SZT2: variants seen among roughly 807,000 people sequenced by gnomAD.
SZT2 encodes KICSTOR complex protein SZT2.
A neutral mutation model predicts 404.2 loss-of-function variants in SZT2; 216 were observed. The observed-to-expected ratio is 0.53, with a 90% CI of 0.48 to 0.60. The LOEUF (loss-of-function observed/expected upper bound fraction) is 0.60, where lower values mean the gene tolerates loss of function less well. Ranked by LOEUF, SZT2 falls within the 20% of genes least tolerant of loss-of-function variation. SZT2 has a pLI of 0.00. For synonymous variants in SZT2, 1,693 were observed against 1,749.9 expected (o/e 0.97, Z 0.81); for missense variants, 3,857 against 4,459.2 (o/e 0.86, Z 3.85).
intron 65 of SZT2, 130 bp downstream of exon 65, chr1:43,446,546 TG>T: frequency 9.0e-7 from 1 of 1,109,920 alleles, no homozygotes; most frequent in Non-Finnish European, 1.3e-6. Context: ...TTCACTGCTA[TG>T]GCCTGGCTAG....
In SZT2 at chr1:43,415,283, A is replaced by T. The variant is rs1651571066; in HGVS notation, c.630+70A>T. 3.8e-6 allele frequency: 6 copies of T among 1,569,584 alleles called. No homozygotes were observed. In the South Asian group the frequency reaches 6.9e-5, roughly 18 times the overall value. On this transcript the variant is annotated intron_variant, in intron 5 of 71. Transcript: ENST00000634258. ...CAGCTAAGGACAGAGGGCAGAGAGG[A>T]GGGATAGTCCAAATAGGGCAAAAAA...
In SZT2 at chr1:43,452,301, G is replaced by A. The variant is rs1472795992; in HGVS notation, c.*1821G>A. The A allele has an allele frequency of 6.2e-7, 1 of 1,613,720 alleles. No individual in the cohort carries two copies. The highest frequency in any genetic ancestry group is 1.3e-5 in the African/African-American group (1 of 74,920). The stretch of plus-strand genomic sequence containing the variant: ...TTCGATCAGCTCCCTGGGGTACTCG[G>A]CCAGCCATCAGGTGGATCCTGTGGG... On this transcript the variant is annotated 3_prime_UTR_variant, in exon 72 of 72. Coordinates refer to ENST00000634258, the MANE Select transcript of SZT2 (RefSeq NM_001365999.1).
intron 46 of SZT2, among the ~76,000 whole-genome samples, chr1:43,438,458 T>C (rs1654698411): frequency 6.6e-6 from 1 of 152,204 alleles, no homozygotes; most frequent in South Asian, 2.1e-4. Context: ...GGCGATGCTA[T>C]TATAATTCTC....
chr1:43,409,376 G>A, intron 4 of SZT2: 1 of 279,708 alleles, frequency 3.6e-6, no homozygotes, highest in Non-Finnish European at 7.2e-6. Context: ...GGGGGATAAG[G>A]AGAGGATTTT....
In SZT2 at chr1:43,430,727, G is replaced by C. The variant is rs765477029; in HGVS notation, c.4712G>C (p.Cys1571Ser). The change falls in exon 32 of 72, where the codon TGC (cysteine) becomes TCC (serine). Residue 1571 changes from cysteine to serine, a missense_variant. Transcript: ENST00000634258. ...CCACCGCTCTTCCTGCACCTCACGT[G>C]CTCCGTGCGGCTACGTGGGCAGCAC... ...DLPPLFLHLTCSVRLRGQHSS... is the reference protein window; with the variant it reads ...DLPPLFLHLTSSVRLRGQHSS... 1 of 1,613,178 alleles carries C rather than the reference G, an allele frequency of 6.2e-7. No individual in the cohort carries two copies.
At position 43,453,156 on chromosome 1, in the gene SZT2, T is replaced by G; in HGVS notation, c.*2676T>G. The G allele has an allele frequency of 7.5e-6, 5 of 663,574 alleles. No individual in the cohort carries two copies. In the South Asian group the frequency reaches 8.8e-5, roughly 12 times the overall value. The allele number at this position is 663,574 out of a possible 1,614,324, so 41.1% of individuals were successfully genotyped here. A position where few individuals can be genotyped will look rare whatever the true frequency, so the allele number is the denominator to read the frequency against. On this transcript the variant is annotated 3_prime_UTR_variant, in exon 72 of 72. Transcript: ENST00000634258. ...TACTCTCCTATCTGCCTAGGCAGAC[T>G]GAGCTCCCAGCATGGGATCCCAGCA... is the stretch of plus-strand genomic sequence containing the variant.
At chr1:43,407,376 C>T (rs569403307) in intron 4 of SZT2, among the ~76,000 whole-genome samples, 1 of 152,082 alleles carries the variant, frequency 6.6e-6, no homozygotes, top group African/African-American at 2.4e-5. Flanking sequence ...ATTAGCTGGG[C>T]GTGATGGTGC....
Position 43,451,624 on chromosome 1 carries a change from G to T in SZT2, c.*1144G>T. 1.2e-6 allele frequency: 2 copies of T among 1,613,886 alleles called. No individual in the cohort carries two copies. Among genetic ancestry groups the T allele is most frequent in the Non-Finnish European group, 1.7e-6 (2 of 1,179,778 alleles). On this transcript the variant is annotated 3_prime_UTR_variant, in exon 72 of 72. Transcript: ENST00000634258. The stretch of plus-strand genomic sequence containing the variant: ...ACAGATGTGGGGATTGAAAGGGTGG[G>T]AGGGCAAAGGAAGGTCCTCTCACCA...
At position 43,420,711 on chromosome 1, in the gene SZT2, A is replaced by G. The variant is rs369181194; in HGVS notation, c.1262-38A>G. 2.3e-5 allele frequency: 37 copies of G among 1,582,276 alleles called. No homozygotes were observed. The highest frequency in any genetic ancestry group is 2.9e-5 in the Non-Finnish European group (34 of 1,166,186). Reference sequence around the variant, plus strand: ...AACTCGATCCCAGGCCTAGAGTCCTATGCCTTCTCCTAACTGGCCCTTCCG... The same window carrying G: ...AACTCGATCCCAGGCCTAGAGTCCTGTGCCTTCTCCTAACTGGCCCTTCCG... On this transcript the variant is annotated intron_variant, in intron 9 of 71. Coordinates refer to ENST00000634258, the MANE Select transcript of SZT2 (RefSeq NM_001365999.1). The surrounding 1 kb of genome is among the most constrained non-coding windows in gnomAD (Gnocchi z 5.1).
intron 3 of SZT2, 158 bp downstream of exon 3, chr1:43,403,932 A>T: frequency 1.2e-6 from 1 of 807,878 alleles, no homozygotes; most frequent in Admixed American, 2.6e-5. Context: ...GCACTGGGCC[A>T]GCTGTGGTGA....
chr1:43,403,410 A>G, intron 2 of SZT2, 108 bp downstream of exon 2: 1 of 1,482,246 alleles, frequency 6.7e-7, no homozygotes, highest in South Asian at 1.3e-5. Flanking sequence ...AAGTCTGGTT[A>G]GGGCAAGGGA....
Position 43,434,498 on chromosome 1 carries a change from A to G in SZT2, c.5904+13A>G, listed in dbSNP as rs779490601. Reference sequence around the variant, plus strand: ...GGAGGTCAACCAGGTAAGGGGCAGGACTCTCCAGACCCGGACACACAGAGC... The same window carrying G: ...GGAGGTCAACCAGGTAAGGGGCAGGGCTCTCCAGACCCGGACACACAGAGC... On this transcript the variant is annotated intron_variant, in intron 41 of 71. Transcript: ENST00000634258. The G allele has an allele frequency of 3.8e-6, 6 of 1,580,694 alleles. No homozygotes were observed. Among genetic ancestry groups the G allele is most frequent in the African/African-American group, 2.7e-5 (2 of 74,532 alleles).
chr1:43,453,135 C>G lies in SZT2; in HGVS notation c.*2655C>G. ...AAATGCATCACTGTATATATTTACTCTCCTATCTGCCTAGGCAGACTGAGC... is the reference window on the plus strand; with the variant it reads ...AAATGCATCACTGTATATATTTACTGTCCTATCTGCCTAGGCAGACTGAGC... On this transcript the variant is annotated 3_prime_UTR_variant, in exon 72 of 72. Transcript: ENST00000634258. The G allele has an allele frequency of 8.6e-6, 6 of 695,310 alleles. No homozygotes were observed. The highest frequency in any genetic ancestry group is 1.3e-5 in the Non-Finnish European group (5 of 386,770). The allele number at this position is 695,310 out of a possible 1,614,324, so 43.1% of individuals were successfully genotyped here. A position where few individuals can be genotyped will look rare whatever the true frequency, so the allele number is the denominator to read the frequency against.
rs1425066256 is a variant in SZT2, at chr1:43,452,484, A to G, written c.*2004A>G. 1.4e-5 allele frequency: 10 copies of G among 705,622 alleles called. No homozygotes were observed. Among genetic ancestry groups the G allele is most frequent in the Non-Finnish European group, 2.6e-5 (10 of 380,910 alleles). The allele number at this position is 705,622 out of a possible 1,614,324, so 43.7% of individuals were successfully genotyped here. On this transcript the variant is annotated 3_prime_UTR_variant, in exon 72 of 72. Transcript: ENST00000634258. The stretch of plus-strand genomic sequence containing the variant: ...CAGCACTTTCAGAGACACTTCAGTG[A>G]TGGCTGAGGGGCAAGCCCTTTCCCA...
At chr1:43,416,465 A>G (rs2153931619) in intron 6 of SZT2, 70 bp from the exon 7 acceptor site, 1 of 1,292,580 alleles carries the variant, frequency 7.7e-7, no homozygotes, top group South Asian at 1.2e-5. Flanking sequence ...GGACCCTGTC[A>G]GTTGGGTGCC....
rs747330436 is a variant in SZT2 at position 43,451,369 on chromosome 1, C to T, written c.*889C>T. Reference sequence around the variant, plus strand: ...CCACAAGGAGAAAACAGCCCCTGTCCGGGTCCCTCCAGAGCTCCCTTCCCC... The same window carrying T: ...CCACAAGGAGAAAACAGCCCCTGTCTGGGTCCCTCCAGAGCTCCCTTCCCC... On this transcript the variant is annotated 3_prime_UTR_variant, in exon 72 of 72. Coordinates refer to ENST00000634258, the MANE Select transcript of SZT2 (RefSeq NM_001365999.1). 28 of 1,611,950 alleles carry T rather than the reference C, an allele frequency of 1.7e-5. No homozygotes were observed. The highest frequency in any genetic ancestry group is 3.3e-5 in the Admixed American group (2 of 60,010).
Position 43,438,770 on chromosome 1 carries a change from A to G in SZT2, c.6580A>G (p.Thr2194Ala). The G allele has an allele frequency of 6.2e-7, 1 of 1,614,128 alleles. No individual in the cohort carries two copies. Among genetic ancestry groups the G allele is most frequent in the Non-Finnish European group, 8.5e-7 (1 of 1,180,002 alleles). Reference protein sequence around the residue: ...RLDEATLDVITVMLVRNCKLT... With the variant: ...RLDEATLDVIAVMLVRNCKLT... ...GGATGAGGCCACGCTGGACGTCATC[A>G]CAGTTATGCTTGTTCGGAACTGCAA... Residue 2194 changes from threonine to alanine, a missense_variant, in exon 47 of 72, where the codon ACA becomes GCA. Transcript: ENST00000634258.
At position 43,452,032 on chromosome 1, in the gene SZT2, C is replaced by A; in HGVS notation, c.*1552C>A. The A allele has an allele frequency of 6.3e-7, 1 of 1,594,824 alleles. No individual in the cohort carries two copies. The highest frequency in any genetic ancestry group is 8.6e-7 in the Non-Finnish European group (1 of 1,168,262). ...GGTCCTCCTAGCAGCATGTCGGGTG[C>A]TGTGAATAGAGCTCCTTCCCAAGTT... On this transcript the variant is annotated 3_prime_UTR_variant, in exon 72 of 72. Transcript: ENST00000634258.
Position 43,453,062 on chromosome 1 carries a change from T to C in SZT2, c.*2582T>C. The C allele has an allele frequency of 1.9e-6, 2 of 1,043,802 alleles. No individual in the cohort carries two copies. The highest frequency in any genetic ancestry group is 3.9e-5 in the Admixed American group (2 of 51,452). The allele number at this position is 1,043,802 out of a possible 1,614,324, so 64.7% of individuals were successfully genotyped here. ...GCAGCTTTCTCTGATCCAGACAGGG[T>C]TAGGTGCCTACCCTGCTCCCACAGC... is the stretch of plus-strand genomic sequence containing the variant. On this transcript the variant is annotated 3_prime_UTR_variant, in exon 72 of 72. Transcript: ENST00000634258.
Sources: gnomAD v4.1 joint callset for allele counts (sites outside exome capture counted in the v4.1 genomes callset) on GRCh38, gnomAD v4.1.1 for gene constraint, Gnocchi (gnomAD v3.1) non-coding constraint, MANE v1.5 for transcripts, NCBI Gene and HGNC (gene_info 2026-07-23, HGNC 2026-07-21) for gene names.